Variants in KIAA1671 observed in about 807,000 individuals in gnomAD.
The protein encoded by KIAA1671 is KIAA1671.
KIAA1671 carries 52 observed loss-of-function variants against 131.2 expected under a neutral mutation model. That is an observed-to-expected ratio of 0.40 (90% confidence interval 0.32 to 0.50). The LOEUF (loss-of-function observed/expected upper bound fraction) is 0.50, where lower values mean the gene tolerates loss of function less well. KIAA1671 is among the 20% of genes least tolerant of loss of function. The probability of loss-of-function intolerance (pLI) is 0.73; values close to 1 mark genes in which losing one functional copy is unlikely to be tolerated. For missense variants in KIAA1671, 2,360 were observed against 2,364.2 expected (o/e 1.00, Z 0.04); for synonymous variants, 1,003 against 961.6 (o/e 1.04, Z -0.80).
intron 6 of KIAA1671, chr22:25,062,862 A>T (rs1003812333): frequency 8.7e-6 from 1 of 114,398 alleles, no homozygotes; most frequent in African/African-American, 3.4e-5. Flanking sequence ...GTGTGTTTTC[A>T]GTGATTTCAA....
intron 1 of KIAA1671, among the ~76,000 whole-genome samples, chr22:24,996,619 G>C (rs1247666741): frequency 2.0e-5 from 3 of 152,172 alleles, no homozygotes; most frequent in Non-Finnish European, 4.4e-5. Flanking sequence ...TAATAGGGCA[G>C]GGGAGGGGAC....
intron 5 of KIAA1671, among the ~76,000 whole-genome samples, chr22:25,043,834 G>C (rs1450340098): frequency 6.6e-6 from 1 of 152,192 alleles, no homozygotes; most frequent in African/African-American, 2.4e-5. Flanking sequence ...ACTTAGCACC[G>C]CCCTGTGTGA....
rs141231672 is a variant in KIAA1671 at position 25,088,758 on chromosome 22, G to T, written c.4530+39394G>T. ...TCCCTGCCATCACCTCCAATCTGCA[G>T]TCCCCTCCTCCGGAAACTGGTGACA... On this transcript the variant is annotated intron_variant, in intron 6 of 12. Transcript: ENST00000358431. Among the ~76,000 whole-genome samples, 159 of 152,244 alleles carry T rather than the reference G, an allele frequency of 1.0e-3. 2 individuals carry two copies. The highest frequency in any genetic ancestry group is 3.5e-3 in the African/African-American group (145 of 41,530).
At chr22:25,026,685 G>A (rs11913613) in intron 2 of KIAA1671, among the ~76,000 whole-genome samples, 5,616 of 151,892 alleles carry the variant, frequency 0.037, 308 homozygotes, top group African/African-American at 0.11. Flanking sequence ...AGCCAAGGTC[G>A]CGCCATTGCA....
intron 1 of KIAA1671, among the ~76,000 whole-genome samples, chr22:24,997,423 C>T (rs1372145939): frequency 6.6e-6 from 1 of 152,154 alleles, no homozygotes; most frequent in South Asian, 2.1e-4. Context: ...TTGACTTCTC[C>T]CATGTCTTGC....
chr22:25,028,088 G>C lies in KIAA1671; in HGVS notation c.89G>C (p.Arg30Thr), dbSNP rs1012738359. The change falls in exon 3 of 13, where the codon AGG (arginine) becomes ACG (threonine). Residue 30 changes from arginine (R) to threonine (T), a missense_variant. Physicochemically the swap from Arg to Thr is moderately conservative, Grantham distance 71. Around this residue, in one of 3 missense-constraint regions of KIAA1671, gnomAD observed 1,185 missense variants for 1,126.2 expected, o/e 1.05. Transcript: ENST00000358431. Reference protein sequence around the residue: ...GEMGKEETLTRTYFLQAGEAS... With the variant: ...GEMGKEETLTTTYFLQAGEAS... ...ATGGGCAAGGAGGAGACCCTGACGA[G>C]GACCTACTTCCTCCAGGCCGGCGAA... The C allele has an allele frequency of 2.6e-6, 4 of 1,551,200 alleles. No individual in the cohort carries two copies. Among genetic ancestry groups the C allele is most frequent in the Non-Finnish European group, 3.5e-6 (4 of 1,146,746 alleles).
intron 6 of KIAA1671, among the ~76,000 whole-genome samples, chr22:25,152,967 G>C (rs993157955): frequency 3.3e-5 from 5 of 151,904 alleles, no homozygotes; most frequent in African/African-American, 1.2e-4. Flanking sequence ...CTTCCTATGT[G>C]TCATGAAATA....
intron 6 of KIAA1671, among the ~76,000 whole-genome samples, chr22:25,147,323 G>A (rs991120260): frequency 2.0e-5 from 3 of 151,998 alleles, no homozygotes; most frequent in Admixed American, 1.3e-4. Context: ...CTCCTGAGTA[G>A]CTGGGATGAC....
chr22:25,031,836 C>T (rs1926311566), intron 3 of KIAA1671, among the ~76,000 whole-genome samples: 1 of 152,328 alleles, frequency 6.6e-6, no homozygotes, highest in African/African-American at 2.4e-5. Flanking sequence ...TTAGACAGAA[C>T]TCCTCTCAGC....
chr22:25,029,947 T>C (rs1253709937), intron 3 of KIAA1671, among the ~76,000 whole-genome samples: 2 of 152,224 alleles, frequency 1.3e-5, no homozygotes, highest in East Asian at 3.9e-4. Flanking sequence ...ACGCTTAAGA[T>C]TGGGCCTAAG....
At chr22:25,183,991 TG>T (rs1934384120) in intron 10 of KIAA1671, among the ~76,000 whole-genome samples, 1 of 152,362 alleles carries the variant, frequency 6.6e-6, no homozygotes, top group African/African-American at 2.4e-5. Flanking sequence ...ACCGAGTAAC[TG>T]CTGAGGCAGA....
chr22:24,991,919 T>C (rs1923860672), intron 1 of KIAA1671, among the ~76,000 whole-genome samples: 1 of 152,130 alleles, frequency 6.6e-6, no homozygotes, highest in Non-Finnish European at 1.5e-5. Flanking sequence ...TTTGAGTTGT[T>C]ATTTCCTCTG....
At position 25,177,450 on chromosome 22, in the gene KIAA1671, T is replaced by G; in HGVS notation, c.5002T>G (p.Phe1668Val). Residue 1668 changes from phenylalanine to valine, a missense_variant, in exon 9 of 13, where the codon TTT becomes GTT. Phe to Val is a conservative substitution (Grantham distance 50, BLOSUM62 -1). Around this residue, in one of 3 missense-constraint regions of KIAA1671, gnomAD observed 1,161 missense variants for 1,204.7 expected, o/e 0.96. Coordinates refer to ENST00000358431, the MANE Select transcript of KIAA1671 (RefSeq NM_001145206.2). Reference protein sequence around the residue: ...PISHSLRRSRFSESESRSPLE... With the variant: ...PISHSLRRSRVSESESRSPLE... Reference sequence around the variant, plus strand: ...CTCCCACTCCCTCCGGCGCAGCCGATTTAGTGAGTCCGAGAGCAGATCACC... The same window carrying G: ...CTCCCACTCCCTCCGGCGCAGCCGAGTTAGTGAGTCCGAGAGCAGATCACC... 1 of 1,551,740 alleles carries G rather than the reference T, an allele frequency of 6.4e-7. No homozygotes were observed. The highest frequency in any genetic ancestry group is 2.4e-5 in the East Asian group (1 of 40,910).
chr22:25,051,748 C>G (rs1021937709), intron 6 of KIAA1671: 4 of 152,220 alleles, frequency 2.6e-5, no homozygotes, highest in African/African-American at 9.6e-5. Flanking sequence ...GTGGCTGTCC[C>G]TGCTCCTCTG....
intron 4 of KIAA1671, among the ~76,000 whole-genome samples, chr22:25,033,496 A>G (rs772993847): frequency 1.3e-5 from 2 of 150,058 alleles, no homozygotes; most frequent in Non-Finnish European, 3.0e-5. Flanking sequence ...AACTCATAAA[A>G]TTGTCTCCTA....
At chr22:25,120,602 A>G (rs540449308) in intron 6 of KIAA1671, among the ~76,000 whole-genome samples, 1 of 152,320 alleles carries the variant, frequency 6.6e-6, no homozygotes, top group Non-Finnish European at 1.5e-5. Context: ...GGTGTGCTCA[A>G]TGTATTCTTG....
chr22:25,023,312 A>C (rs2123894252), intron 1 of KIAA1671: 1 of 152,376 alleles, frequency 6.6e-6, no homozygotes, highest in Non-Finnish European at 1.5e-5. Context: ...GTTTGCAGTG[A>C]GCCGAGATTG....
intron 6 of KIAA1671, among the ~76,000 whole-genome samples, chr22:25,102,253 G>A (rs1024588252): frequency 2.6e-5 from 4 of 152,142 alleles, no homozygotes; most frequent in African/African-American, 9.7e-5. Flanking sequence ...TGCTGCAGAT[G>A]GACTGTGAGG....
intron 6 of KIAA1671, chr22:25,055,861 G>A (rs1343335687): frequency 2.7e-5 from 4 of 149,260 alleles, no homozygotes; most frequent in African/African-American, 4.9e-5. Context: ...TATAGAGAGA[G>A]AGACAGGCAA....
Sources: allele counts gnomAD v4.1 joint callset (sites outside exome capture counted in the v4.1 genomes callset), GRCh38; gene constraint gnomAD v4.1.1; regional missense constraint gnomAD v4.1.1; transcripts MANE v1.5; gene names NCBI Gene and HGNC (gene_info 2026-07-23, HGNC 2026-07-21).